The following COX7B2 variants were observed in gnomAD, a reference collection of about 807,000 sequenced individuals.
The protein encoded by COX7B2 is cytochrome c oxidase subunit 7B2, also known as cytochrome c oxidase subunit 7B2, mitochondrial.
For missense variants in COX7B2, 109 were observed against 95.9 expected, an observed-to-expected ratio of 1.14 and a Z score of -0.57; for synonymous variants, 37 against 32.1, an observed-to-expected ratio of 1.15 and a Z score of -0.51.
At chr4:46,765,913 G>T (rs1202000268) in intron 2 of COX7B2, among the ~76,000 whole-genome samples, 1 of 152,120 alleles carries the variant, frequency 6.6e-6, no homozygotes, top group Non-Finnish European at 1.5e-5. Context: ...TTCCAGGCTA[G>T]CCTCCAGGGA....
At chr4:46,831,276 A>C (rs1247274193) in intron 2 of COX7B2, among the ~76,000 whole-genome samples, 1 of 152,084 alleles carries the variant, frequency 6.6e-6, no homozygotes, top group African/African-American at 2.4e-5. Context: ...GCCTCCCCAC[A>C]CAGCAGCGCT....
intron 2 of COX7B2, among the ~76,000 whole-genome samples, chr4:46,756,976 A>G (rs1210264282): frequency 6.6e-6 from 1 of 152,120 alleles, no homozygotes; most frequent in East Asian, 1.9e-4. Flanking sequence ...TTAAAAAGAT[A>G]CCTACATCTG....
At chr4:46,808,612 G>A (rs970129543) in intron 2 of COX7B2, among the ~76,000 whole-genome samples, 1 of 151,720 alleles carries the variant, frequency 6.6e-6, no homozygotes, top group Non-Finnish European at 1.5e-5. Flanking sequence ...CACTTGCCTT[G>A]TACCAAATCT....
At chr4:46,751,045 A>T (rs1219670887) in intron 2 of COX7B2, among the ~76,000 whole-genome samples, 1 of 152,178 alleles carries the variant, frequency 6.6e-6, no homozygotes, top group Non-Finnish European at 1.5e-5. Context: ...CAACTTAATC[A>T]GCAACATTTC....
chr4:46,782,199 G>A (rs1717500215), intron 2 of COX7B2, among the ~76,000 whole-genome samples: 1 of 152,140 alleles, frequency 6.6e-6, no homozygotes, highest in African/African-American at 2.4e-5. Context: ...TCTGTGTCTA[G>A]GTCAGGGTTT....
intron 2 of COX7B2, among the ~76,000 whole-genome samples, chr4:46,835,767 A>G (rs916611251): frequency 3.3e-5 from 5 of 152,200 alleles, no homozygotes; most frequent in Non-Finnish European, 7.3e-5. Context: ...GTTCTGAGAA[A>G]TGCATCATTA....
intron 1 of COX7B2, among the ~76,000 whole-genome samples, chr4:46,869,158 T>C (rs1717844200): frequency 6.6e-6 from 1 of 152,200 alleles, no homozygotes. Flanking sequence ...CTTTGTTGGT[T>C]TGAAATTGTT....
At chr4:46,813,184 T>A (rs187595858) in intron 2 of COX7B2, among the ~76,000 whole-genome samples, 1 of 152,344 alleles carries the variant, frequency 6.6e-6, no homozygotes, top group African/African-American at 2.4e-5. Flanking sequence ...TTCATTCCTT[T>A]ATATGATTAA....
intron 2 of COX7B2, among the ~76,000 whole-genome samples, chr4:46,779,514 G>A (rs1308372019): frequency 6.6e-6 from 1 of 152,062 alleles, no homozygotes; most frequent in African/African-American, 2.4e-5. Context: ...TTTCAAAATG[G>A]TGGTTTCATT....
At chr4:46,742,070 T>A (rs1464514532) in intron 2 of COX7B2, among the ~76,000 whole-genome samples, 1 of 152,132 alleles carries the variant, frequency 6.6e-6, no homozygotes, top group African/African-American at 2.4e-5. Context: ...ACTACCATGG[T>A]AATTTAGAAA....
intron 1 of COX7B2, among the ~76,000 whole-genome samples, chr4:46,848,859 C>CA (rs1325136344): frequency 6.6e-6 from 1 of 151,852 alleles, no homozygotes; most frequent in African/African-American, 2.4e-5. Flanking sequence ...CCTTGGATAC[C>CA]AAAATCTTCA....
chr4:46,874,980 C>A (rs775006111), intron 1 of COX7B2, among the ~76,000 whole-genome samples: 2 of 152,136 alleles, frequency 1.3e-5, no homozygotes, highest in African/African-American at 2.4e-5. Flanking sequence ...TTCCTGCCAC[C>A]TAGTACTGCT....
intron 2 of COX7B2, among the ~76,000 whole-genome samples, chr4:46,810,054 C>T (rs1043754671): frequency 1.3e-5 from 2 of 152,016 alleles, no homozygotes; most frequent in African/African-American, 4.8e-5. Flanking sequence ...AGTATAGCCA[C>T]TGCTGCTTTC....
chr4:46,821,584 C>A (rs116234023), intron 2 of COX7B2, among the ~76,000 whole-genome samples: 158 of 152,232 alleles, frequency 1.0e-3, no homozygotes, highest in African/African-American at 3.6e-3. Flanking sequence ...AACAAGTTCC[C>A]TAATCTTCAG....
At chr4:46,906,824 GA>G (rs1236434038) in intron 1 of COX7B2, among the ~76,000 whole-genome samples, 3 of 152,286 alleles carry the variant, frequency 2.0e-5, no homozygotes, top group Non-Finnish European at 4.4e-5. Context: ...ATTTAAGCCT[GA>G]ATTTATCTTC....
intron 2 of COX7B2, among the ~76,000 whole-genome samples, chr4:46,818,400 G>A (rs893468325): frequency 2.6e-5 from 4 of 152,072 alleles, no homozygotes; most frequent in Non-Finnish European, 2.9e-5. Context: ...TTGGGAGGCC[G>A]AGGCGGGTGG....
At chr4:46,849,659 A>G (rs1220678575) in intron 1 of COX7B2, among the ~76,000 whole-genome samples, 2 of 152,130 alleles carry the variant, frequency 1.3e-5, no homozygotes, top group Non-Finnish European at 2.9e-5. Context: ...TACAGCTTTT[A>G]CTTAACAATT....
chr4:46,872,359 G>C (rs369591760), intron 1 of COX7B2, among the ~76,000 whole-genome samples: 8 of 151,650 alleles, frequency 5.3e-5, no homozygotes, highest in South Asian at 2.1e-4. Flanking sequence ...AGCAGAAAAC[G>C]TAACTATTGA....
intron 1 of COX7B2, among the ~76,000 whole-genome samples, chr4:46,853,050 T>A (rs1212785793): frequency 6.6e-6 from 1 of 152,162 alleles, no homozygotes; most frequent in African/African-American, 2.4e-5. Flanking sequence ...GCAATATGTA[T>A]TAAATGTCTT....
Sources: allele counts gnomAD v4.1 joint callset (sites outside exome capture counted in the v4.1 genomes callset), GRCh38; gene constraint gnomAD v4.1.1; transcripts MANE v1.5; gene names NCBI Gene and HGNC (gene_info 2026-07-23, HGNC 2026-07-21).